Variants in DUS2 observed in about 807,000 individuals in gnomAD.
The protein encoded by DUS2 is dihydrouridine synthase 2.
A neutral mutation model predicts 71.3 loss-of-function variants in DUS2; 52 were observed. That is an observed-to-expected ratio of 0.73 (90% CI 0.58 to 0.92). The LOEUF (loss-of-function observed/expected upper bound fraction) is 0.92. Among genes scored for constraint, DUS2 ranks in the 40% least tolerant of loss-of-function variants. The pLI, the probability that DUS2 is intolerant of heterozygous loss-of-function variation, is 0.00. For missense variants in DUS2, 558 were observed against 622.6 expected (o/e 0.90, Z 1.10); for synonymous variants, 204 against 227.8 (o/e 0.90, Z 0.94).
At chr16:68,046,826 A>C (rs1318946513) in intron 3 of DUS2, among the ~76,000 whole-genome samples, 1 of 151,192 alleles carries the variant, frequency 6.6e-6, no homozygotes, top group Non-Finnish European at 1.5e-5. Context: ...GGCTCACTGC[A>C]AGCTCCGCCT....
chr16:68,024,095 C>CTT lies in DUS2; in HGVS notation c.-99+760_-99+761dup, dbSNP rs71847664. 8.0e-3 allele frequency: 1,089 copies of CTT among 135,530 alleles called. 23 individuals are homozygous for CTT. Among genetic ancestry groups the CTT allele is most frequent in the African/African-American group, 0.023 (839 of 35,852 alleles). The allele number at this position is 135,530 out of a possible 1,614,324, so 8.4% of individuals were successfully genotyped here. A position where few individuals can be genotyped will look rare whatever the true frequency, so the allele number is the denominator to read the frequency against. On this transcript the variant is annotated intron_variant, in intron 1 of 16. Transcript: ENST00000565263. ...GTAAAAACAAGAACTATACGAGTCA[C>CTT]TTTTTTTTTTTTTTTTTCTGAGACA... is the stretch of plus-strand genomic sequence containing the variant.
chr16:68,066,049 A>G (rs2034000772), intron 8 of DUS2, among the ~76,000 whole-genome samples: 1 of 152,186 alleles, frequency 6.6e-6, no homozygotes, highest in Non-Finnish European at 1.5e-5. Flanking sequence ...ACGCGTACCC[A>G]TTCACTCACT....
chr16:68,054,695 T>C (rs925211990), intron 6 of DUS2, 78 bp downstream of exon 6: 8 of 1,538,308 alleles, frequency 5.2e-6, no homozygotes, highest in Admixed American at 5.0e-5. Flanking sequence ...GGTGACTTTG[T>C]AGGTGACTCA....
intron 2 of DUS2, among the ~76,000 whole-genome samples, chr16:68,033,964 C>T (rs146870416): frequency 0.018 from 2,761 of 152,156 alleles, 48 homozygotes; most frequent in Non-Finnish European, 0.029. Context: ...GATGGGGTTT[C>T]ACCATGTTGC....
intron 8 of DUS2, among the ~76,000 whole-genome samples, chr16:68,065,895 G>A (rs1209203723): frequency 6.6e-6 from 1 of 151,188 alleles, no homozygotes; most frequent in African/African-American, 2.4e-5. Context: ...AGAGCCTTTT[G>A]AAAACACACA....
intron 4 of DUS2, among the ~76,000 whole-genome samples, chr16:68,051,124 G>A (rs763298760): frequency 1.3e-5 from 2 of 152,166 alleles, no homozygotes; most frequent in African/African-American, 4.8e-5. Context: ...CATCTGCCAC[G>A]TTCAGTCTTT....
intron 2 of DUS2, among the ~76,000 whole-genome samples, chr16:68,033,672 T>C (rs942306400): frequency 6.7e-6 from 1 of 149,430 alleles, no homozygotes; most frequent in Admixed American, 6.8e-5. Flanking sequence ...AGAGTCTTGC[T>C]GTGTCACCCA....
chr16:68,054,667 G>GT lies in DUS2; in HGVS notation c.308+51dup, dbSNP rs1464133535. 16 of 1,607,472 alleles carry GT rather than the reference G, an allele frequency of 1.0e-5. No homozygotes were observed. The Admixed American group carries it at 2.7e-4, about 27-fold the overall frequency. On this transcript the variant is annotated intron_variant, in intron 6 of 16. Coordinates refer to ENST00000565263, the MANE Select transcript of DUS2 (RefSeq NM_017803.5). Reference sequence around the variant, plus strand: ...ACTGCCTTTGCCTCTCCTTTGAGCTGTGAGGGTTTAATGTCCTGGTGACTT... The same window carrying GT: ...ACTGCCTTTGCCTCTCCTTTGAGCTGTTGAGGGTTTAATGTCCTGGTGACTT...
chr16:68,056,984 A>G (rs2033863702), intron 7 of DUS2, among the ~76,000 whole-genome samples: 1 of 141,596 alleles, frequency 7.1e-6, no homozygotes, highest in Admixed American at 7.5e-5. Flanking sequence ...ATAAATATAT[A>G]CAATAAATAT....
At chr16:68,037,233 TAATAAATATTCG>T (rs1224936377) in intron 2 of DUS2, among the ~76,000 whole-genome samples, 1 of 151,676 alleles carries the variant, frequency 6.6e-6, no homozygotes, top group East Asian at 1.9e-4. Context: ...ACTAGGTACT[TAATAAATATTCG>T]TTAGATGAAT....
rs2034188679 is a variant in DUS2 at position 68,078,461 on chromosome 16, A to G, written c.1187A>G (p.Asp396Gly). The G allele has an allele frequency of 6.2e-7, 1 of 1,614,176 alleles. No individual in the cohort carries two copies. The highest frequency in any genetic ancestry group is 1.7e-5 in the Admixed American group (1 of 60,030). ...TTGTATCAGGTTCAACGCCCTCTAG[A>G]TCGCCTGTTCTCCTCTATTGTCACC... ...PVYETVQRPL[D>G]RLFSSIVTVA... Residue 396 changes from aspartate (D) to glycine (G), a missense_variant, in exon 16 of 17, where the codon GAT becomes GGT. Coordinates refer to ENST00000565263, the MANE Select transcript of DUS2 (RefSeq NM_017803.5).
At chr16:68,059,282 C>T (rs1272571434) in intron 7 of DUS2, among the ~76,000 whole-genome samples, 1 of 152,018 alleles carries the variant, frequency 6.6e-6, no homozygotes, top group African/African-American at 2.4e-5. Flanking sequence ...ACTTCTTACT[C>T]GTTACCCATT....
intron 13 of DUS2, 114 bp from the exon 14 acceptor site, chr16:68,075,241 T>G: frequency 7.3e-6 from 7 of 957,880 alleles, no homozygotes; most frequent in Non-Finnish European, 7.3e-6. Context: ...GCCCCGGTGG[T>G]GTTTTGGTGT....
intron 3 of DUS2, among the ~76,000 whole-genome samples, chr16:68,045,877 G>A (rs1374546978): frequency 6.6e-6 from 1 of 151,682 alleles, no homozygotes; most frequent in African/African-American, 2.4e-5. Flanking sequence ...ACAGGCATGA[G>A]TGGCTAATTT....
chr16:68,032,019 C>T (rs367842094), intron 2 of DUS2, among the ~76,000 whole-genome samples: 59 of 152,068 alleles, frequency 3.9e-4, no homozygotes, highest in African/African-American at 1.4e-3. Context: ...AGAAATTGAG[C>T]GTAATAGAGG....
intron 2 of DUS2, among the ~76,000 whole-genome samples, chr16:68,036,700 A>C (rs1199636343): frequency 1.3e-5 from 2 of 152,210 alleles, no homozygotes; most frequent in African/African-American, 2.4e-5. Flanking sequence ...TTGGCCTCCC[A>C]AAGTATTGGG....
chr16:68,062,718 CAA>C (rs552579994), intron 8 of DUS2, among the ~76,000 whole-genome samples: 10 of 48,710 alleles, frequency 2.1e-4, no homozygotes, highest in Admixed American at 6.5e-4. Flanking sequence ...GACTCCGTCT[CAA>C]AAAAAAAAAA....
chr16:68,073,830 C>T (rs1183715080), intron 12 of DUS2, among the ~76,000 whole-genome samples: 1 of 152,256 alleles, frequency 6.6e-6, no homozygotes, highest in East Asian at 1.9e-4. Context: ...CTCAAGCAGT[C>T]CTCCTGCATT....
At chr16:68,035,909 T>C (rs200925276) in intron 2 of DUS2, among the ~76,000 whole-genome samples, 16 of 56,372 alleles carry the variant, frequency 2.8e-4, no homozygotes, top group South Asian at 1.9e-3. Context: ...TATATATATA[T>C]ATATATATAT....
Sources: allele counts gnomAD v4.1 joint callset (sites outside exome capture counted in the v4.1 genomes callset), GRCh38; gene constraint gnomAD v4.1.1; transcripts MANE v1.5; gene names NCBI Gene and HGNC (gene_info 2026-07-23, HGNC 2026-07-21).